The following GGACT variants were observed in gnomAD, a reference collection of about 807,000 sequenced individuals.
The protein encoded by GGACT is gamma-glutamylamine cyclotransferase.
For synonymous variants in GGACT, 118 were observed against 115.3 expected (o/e 1.02, Z -0.15); for missense variants, 241 against 233.2 (o/e 1.03, Z -0.22).
At position 100,534,994 on chromosome 13, in the gene GGACT, G is replaced by A. The variant is rs1277340090; in HGVS notation, c.-10-2393C>T. Among the ~76,000 whole-genome samples, 1 of 152,246 alleles carries A rather than the reference G, an allele frequency of 6.6e-6. No individual in the cohort carries two copies. The highest frequency in any genetic ancestry group is 1.5e-5 in the Non-Finnish European group (1 of 68,042). On this transcript the variant is annotated intron_variant, in intron 2 of 2. Transcript: ENST00000683975. The surrounding 1 kb of genome is among the most constrained non-coding windows in gnomAD (Gnocchi z 4.9). ...GTCTGGTTGTCGTTATAGCACACGTGCTCTCTAAATCACTGGTCTTGTTTG... is the reference window on the plus strand; with the variant it reads ...GTCTGGTTGTCGTTATAGCACACGTACTCTCTAAATCACTGGTCTTGTTTG...
chr13:100,581,813 T>G (rs1158313203), intron 2 of GGACT, among the ~76,000 whole-genome samples: 1 of 152,186 alleles, frequency 6.6e-6, no homozygotes, highest in African/African-American at 2.4e-5. Flanking sequence ...GTGTGCTTGA[T>G]ACGATGTAGC....
At chr13:100,536,155 C>CTG (rs1491221237) in intron 2 of GGACT, 1 of 152,216 alleles carries the variant, frequency 6.6e-6, no homozygotes, top group Non-Finnish European at 1.5e-5. Context: ...TCCAGGTCCC[C>CTG]TGTGTGTGTG....
intron 2 of GGACT, among the ~76,000 whole-genome samples, chr13:100,577,139 C>T (rs1420910244): frequency 3.3e-5 from 5 of 152,110 alleles, no homozygotes; most frequent in South Asian, 2.1e-4. Context: ...AAAAATAGGC[C>T]GGGCAGTGGC....
intron 2 of GGACT, among the ~76,000 whole-genome samples, chr13:100,571,941 T>A (rs1370070124): frequency 1.3e-5 from 2 of 152,214 alleles, no homozygotes; most frequent in Non-Finnish European, 2.9e-5. Flanking sequence ...TTAACCTTTT[T>A]TAACTTACTC....
At chr13:100,563,653 C>T (rs1021882917) in intron 2 of GGACT, among the ~76,000 whole-genome samples, 2 of 152,250 alleles carry the variant, frequency 1.3e-5, no homozygotes, top group South Asian at 2.1e-4. Context: ...CCTGTCTTTA[C>T]ATTAATTAAT....
At chr13:100,548,095 G>T (rs922429857) in intron 2 of GGACT, among the ~76,000 whole-genome samples, 2 of 152,254 alleles carry the variant, frequency 1.3e-5, no homozygotes, top group Non-Finnish European at 2.9e-5. Flanking sequence ...AGGTCTGGCT[G>T]ATGGCAGGCA....
intron 2 of GGACT, among the ~76,000 whole-genome samples, chr13:100,571,063 C>T (rs1417810877): frequency 6.6e-6 from 1 of 152,054 alleles, no homozygotes; most frequent in Non-Finnish European, 1.5e-5. Context: ...GCCCAAAACA[C>T]CATGGCATTA....
At chr13:100,551,141 G>A (rs568211185) in intron 2 of GGACT, among the ~76,000 whole-genome samples, 45 of 152,128 alleles carry the variant, frequency 3.0e-4, no homozygotes, top group African/African-American at 1.0e-3. Context: ...AAAATTAGCC[G>A]GGTGTGGTGG....
intron 2 of GGACT, among the ~76,000 whole-genome samples, chr13:100,576,190 C>T (rs565704903): frequency 2.0e-5 from 3 of 152,214 alleles, no homozygotes; most frequent in Admixed American, 1.3e-4. Flanking sequence ...AATCCAATAA[C>T]TTGTAAGAGA....
intron 2 of GGACT, chr13:100,538,177 A>G (rs1459657060): frequency 6.6e-6 from 1 of 152,236 alleles, no homozygotes; most frequent in Non-Finnish European, 1.5e-5. Flanking sequence ...GAAGCTGGTG[A>G]GAGGCAGCAG....
At chr13:100,562,270 G>C (rs2153015322) in intron 2 of GGACT, among the ~76,000 whole-genome samples, 1 of 152,240 alleles carries the variant, frequency 6.6e-6, no homozygotes. Context: ...GCTCGGTGAA[G>C]GGCTAAGACT....
intron 2 of GGACT, among the ~76,000 whole-genome samples, chr13:100,571,176 C>G (rs1875072107): frequency 6.6e-6 from 1 of 152,176 alleles, no homozygotes; most frequent in Non-Finnish European, 1.5e-5. Flanking sequence ...GGAGGATAAC[C>G]TCAGATACAT....
chr13:100,579,030 T>C (rs1265118823), intron 2 of GGACT: 2 of 152,162 alleles, frequency 1.3e-5, no homozygotes, highest in Non-Finnish European at 2.9e-5. Flanking sequence ...TTCCTTACTC[T>C]AATTTACTCT....
In GGACT at chr13:100,530,219, G is replaced by T. The variant is rs2153011038; in HGVS notation, c.*1911C>A. 7 of 1,337,234 alleles carry T rather than the reference G, an allele frequency of 5.2e-6. No individual in the cohort carries two copies. Among genetic ancestry groups the T allele is most frequent in the Middle Eastern group, 1.8e-4 (1 of 5,574 alleles). 82.8% of individuals were successfully genotyped at this position (1,337,234 alleles called of 1,614,324 possible). ...CAATTTAATTAGCCATTTGCATGAT[G>T]CTTTCACACACAATTGATTCAAGCA... On this transcript the variant is annotated 3_prime_UTR_variant, in exon 3 of 3. Coordinates refer to ENST00000683975, the MANE Select transcript of GGACT (RefSeq NM_001195087.2).
At chr13:100,570,747 T>C (rs1875056898) in intron 2 of GGACT, among the ~76,000 whole-genome samples, 1 of 152,142 alleles carries the variant, frequency 6.6e-6, no homozygotes, top group African/African-American at 2.4e-5. Context: ...CTTTCCTTTA[T>C]AAATTACCCA....
chr13:100,548,411 A>G (rs1376158518), intron 2 of GGACT, among the ~76,000 whole-genome samples: 10 of 152,274 alleles, frequency 6.6e-5, no homozygotes, highest in Admixed American at 4.6e-4. Context: ...AGCACAAAAC[A>G]ATTACAAAAT....
At chr13:100,586,819 A>G (rs1875591909) in intron 1 of GGACT, 1 of 152,390 alleles carries the variant, frequency 6.6e-6, no homozygotes, top group Admixed American at 6.5e-5. Flanking sequence ...AAATCCATTT[A>G]AGGGGGTATC....
intron 2 of GGACT, among the ~76,000 whole-genome samples, chr13:100,577,586 A>T (rs1246153492): frequency 1.2e-4 from 19 of 152,104 alleles, no homozygotes; most frequent in African/African-American, 4.3e-4. Context: ...AAATGACATG[A>T]TTTCTGGCAT....
intron 2 of GGACT, among the ~76,000 whole-genome samples, chr13:100,550,568 G>A (rs2088653616): frequency 6.6e-6 from 1 of 152,164 alleles, no homozygotes; most frequent in Non-Finnish European, 1.5e-5. Context: ...CCCCAGTGTT[G>A]GGGGTGGAAC....
Sources: gnomAD v4.1 joint callset for allele counts (sites outside exome capture counted in the v4.1 genomes callset) on GRCh38, gnomAD v4.1.1 for gene constraint, Gnocchi (gnomAD v3.1) non-coding constraint, MANE v1.5 for transcripts, NCBI Gene and HGNC (gene_info 2026-07-23, HGNC 2026-07-21) for gene names.